MYRIP: variants seen among roughly 807,000 people sequenced by gnomAD.
The protein encoded by MYRIP is rab effector MyRIP.
MYRIP carries 49 observed loss-of-function variants against 98.0 expected under a neutral mutation model. The ratio of observed to expected loss-of-function variants is 0.50; its 90% CI spans 0.40 to 0.63. The LOEUF (loss-of-function observed/expected upper bound fraction) is 0.63. Among genes scored for constraint, MYRIP ranks in the 30% least tolerant of loss-of-function variants. The pLI, the probability that MYRIP is intolerant of heterozygous loss-of-function variation, is 0.00. For missense variants in MYRIP, 1,004 were observed against 1,058.2 expected (o/e 0.95, Z 0.71); for synonymous variants, 404 against 409.5 (o/e 0.99, Z 0.16).
chr3:40,001,539 C>CT (rs1946519442), intron 2 of MYRIP, among the ~76,000 whole-genome samples: 1 of 152,214 alleles, frequency 6.6e-6, no homozygotes, highest in Non-Finnish European at 1.5e-5. Flanking sequence ...TCAAGTCTTT[C>CT]ACCTTTCGAG....
intron 2 of MYRIP, among the ~76,000 whole-genome samples, chr3:40,038,906 CA>C (rs1640839543): frequency 6.6e-6 from 1 of 152,068 alleles, no homozygotes; most frequent in South Asian, 2.1e-4. Flanking sequence ...TTCCTCTAAC[CA>C]GCCATGAAGG....
chr3:39,943,748 G>T (rs974292465), intron 2 of MYRIP, among the ~76,000 whole-genome samples: 1 of 152,096 alleles, frequency 6.6e-6, no homozygotes. Context: ...ATCAATTCTC[G>T]TTAGATGTGG....
intron 12 of MYRIP, among the ~76,000 whole-genome samples, chr3:40,242,949 T>C (rs1034252030): frequency 9.2e-5 from 14 of 152,194 alleles, no homozygotes; most frequent in Admixed American, 6.5e-4. Context: ...GAAATACTTA[T>C]CATTTCTTTC....
chr3:40,167,248 G>A lies in MYRIP; in HGVS notation c.729+9G>A. The A allele has an allele frequency of 6.2e-7, 1 of 1,613,920 alleles. No individual in the cohort carries two copies. Among genetic ancestry groups the A allele is most frequent in the South Asian group, 1.1e-5 (1 of 91,076 alleles). The stretch of plus-strand genomic sequence containing the variant: ...CGACAATCCTGCAGAAGGTAGGTGG[G>A]TCCTGGCAGTGGGATGGCTGCAGTT... On this transcript the variant is annotated intron_variant, in intron 7 of 16. Transcript: ENST00000302541.
chr3:39,998,762 A>G (rs62261761), intron 2 of MYRIP, among the ~76,000 whole-genome samples: 1 of 152,198 alleles, frequency 6.6e-6, no homozygotes, highest in Non-Finnish European at 1.5e-5. Flanking sequence ...GCATCATGCT[A>G]CCTGACTTCA....
At chr3:40,014,744 C>A (rs57402125) in intron 2 of MYRIP, among the ~76,000 whole-genome samples, 4,463 of 152,272 alleles carry the variant, frequency 0.029, 140 homozygotes, top group African/African-American at 0.079. Context: ...ACCTGGGAAA[C>A]TTGTCCCAGT....
intron 1 of MYRIP, among the ~76,000 whole-genome samples, chr3:39,840,280 CT>C (rs1941763027): frequency 6.6e-6 from 1 of 152,160 alleles, no homozygotes; most frequent in African/African-American, 2.4e-5. Flanking sequence ...TTATCAGAGA[CT>C]AGGATTGCAA....
At chr3:39,845,515 A>G (rs1941937509) in intron 1 of MYRIP, among the ~76,000 whole-genome samples, 1 of 152,142 alleles carries the variant, frequency 6.6e-6, no homozygotes, top group South Asian at 2.1e-4. Context: ...TCAGTTTCAA[A>G]GTCATATACT....
chr3:39,872,908 G>A (rs1161552529), intron 1 of MYRIP, among the ~76,000 whole-genome samples: 3 of 152,110 alleles, frequency 2.0e-5, no homozygotes, highest in Admixed American at 6.6e-5. Flanking sequence ...CTGAGGAATC[G>A]CCACACTGAC....
At chr3:40,027,782 T>G (rs1161554011) in intron 2 of MYRIP, among the ~76,000 whole-genome samples, 1 of 152,084 alleles carries the variant, frequency 6.6e-6, no homozygotes, top group African/African-American at 2.4e-5. Flanking sequence ...ATTGAGAGAA[T>G]GATTGACATT....
intron 3 of MYRIP, among the ~76,000 whole-genome samples, chr3:40,130,670 G>A (rs1364461520): frequency 6.6e-6 from 1 of 151,966 alleles, no homozygotes; most frequent in Admixed American, 6.6e-5. Context: ...GTGAGCCACC[G>A]CGCCCGGCCT....
chr3:40,149,990 T>C (rs924965098), intron 3 of MYRIP, among the ~76,000 whole-genome samples: 3 of 152,168 alleles, frequency 2.0e-5, no homozygotes, highest in African/African-American at 7.2e-5. Flanking sequence ...ACATTTATAA[T>C]AAGAAAAATA....
intron 3 of MYRIP, among the ~76,000 whole-genome samples, chr3:40,147,170 T>C (rs1169229019): frequency 1.3e-5 from 2 of 152,158 alleles, no homozygotes; most frequent in Non-Finnish European, 2.9e-5. Flanking sequence ...CCTATCTCCT[T>C]ACCTTCTCCT....
chr3:39,922,858 A>G (rs536817348), intron 2 of MYRIP, among the ~76,000 whole-genome samples: 5 of 152,212 alleles, frequency 3.3e-5, no homozygotes, highest in African/African-American at 1.2e-4. Flanking sequence ...GACAATCAAT[A>G]TATGCCAAGA....
chr3:39,887,061 A>C lies in MYRIP; in HGVS notation c.-30-13726A>C, dbSNP rs1416429820. Among the ~76,000 whole-genome samples the C allele has an allele frequency of 3.3e-5, 5 of 152,134 alleles. No homozygotes were observed. The East Asian group carries it at 7.7e-4, about 24-fold the overall frequency. On this transcript the variant is annotated intron_variant, in intron 1 of 16. Coordinates refer to ENST00000302541, the MANE Select transcript of MYRIP (RefSeq NM_015460.4). ...CACTCAAAACCACTCAACTACATGG[A>C]AACTGAACAACCTGCTCCTGAATGA...
At chr3:40,031,318 G>A (rs989712722) in intron 2 of MYRIP, among the ~76,000 whole-genome samples, 2 of 152,056 alleles carry the variant, frequency 1.3e-5, no homozygotes, top group East Asian at 1.9e-4. Flanking sequence ...CACACTGGGG[G>A]TTAGTTTTCA....
chr3:40,179,705 G>A (rs1049832219), intron 8 of MYRIP, among the ~76,000 whole-genome samples: 1 of 152,116 alleles, frequency 6.6e-6, no homozygotes, highest in East Asian at 1.9e-4. Flanking sequence ...TCACAAACAT[G>A]CAACCAAGGA....
intron 13 of MYRIP, among the ~76,000 whole-genome samples, chr3:40,245,420 C>A (rs187731880): frequency 7.9e-5 from 12 of 152,038 alleles, no homozygotes; most frequent in East Asian, 5.8e-4. Context: ...GAGGCCGAGG[C>A]GGGTGGATCA....
At chr3:40,162,947 G>A in intron 5 of MYRIP, 137 bp downstream of exon 5, 1 of 705,522 alleles carries the variant, frequency 1.4e-6, no homozygotes, top group Non-Finnish European at 2.4e-6. Flanking sequence ...GAGTCTCCCT[G>A]GGTCACTTAT....
Sources: allele counts gnomAD v4.1 joint callset (sites outside exome capture counted in the v4.1 genomes callset), GRCh38; gene constraint gnomAD v4.1.1; transcripts MANE v1.5; gene names NCBI Gene and HGNC (gene_info 2026-07-23, HGNC 2026-07-21).